The following SLC6A17 variants were observed in gnomAD, a reference collection of about 807,000 sequenced individuals.
SLC6A17 encodes sodium-dependent neutral amino acid transporter SLC6A17.
Under a neutral mutation model 64.5 loss-of-function variants are expected in SLC6A17, and 21 were observed. That is an observed-to-expected ratio of 0.33 (90% CI 0.23 to 0.47). SLC6A17 has a LOEUF of 0.47. Among genes scored for constraint, SLC6A17 ranks in the 20% least tolerant of loss-of-function variants. SLC6A17 has a pLI of 1.00. For missense variants in SLC6A17, 682 were observed against 963.2 expected (o/e 0.71, Z 3.86); for synonymous variants, 372 against 399.5 (o/e 0.93, Z 0.82).
intron 6 of SLC6A17, chr1:110,178,750 C>T (rs1312053667): frequency 6.6e-6 from 1 of 152,284 alleles, no homozygotes; most frequent in Non-Finnish European, 1.5e-5. Flanking sequence ...AGGGAGCTCA[C>T]TTGAGCCTCT....
At chr1:110,180,067 A>C (rs1471067547) in intron 6 of SLC6A17, among the ~76,000 whole-genome samples, 2 of 152,188 alleles carry the variant, frequency 1.3e-5, no homozygotes, top group African/African-American at 4.8e-5. Flanking sequence ...GAGTAACAAT[A>C]GTGAAACCCC....
chr1:110,178,298 C>A (rs1432217327), intron 6 of SLC6A17, among the ~76,000 whole-genome samples: 1 of 152,072 alleles, frequency 6.6e-6, no homozygotes, highest in East Asian at 1.9e-4. Flanking sequence ...TGTTAAGGGC[C>A]CCCTGTATGT....
chr1:110,179,367 T>C (rs114185035), intron 6 of SLC6A17, among the ~76,000 whole-genome samples: 211 of 152,298 alleles, frequency 1.4e-3, no homozygotes, highest in Non-Finnish European at 1.7e-3. Context: ...TCCCAAATGG[T>C]TGTATCTGCT....
At chr1:110,178,124 G>A (rs1200007259) in intron 6 of SLC6A17, 1 of 152,230 alleles carries the variant, frequency 6.6e-6, no homozygotes, top group East Asian at 1.9e-4. Flanking sequence ...AAAGCCAACT[G>A]TTTTTAACAG....
intron 6 of SLC6A17, 114 bp from the exon 7 acceptor site, chr1:110,191,858 A>T: frequency 6.6e-7 from 1 of 1,504,260 alleles, no homozygotes; most frequent in Non-Finnish European, 8.9e-7. Context: ...GCTTCTTACC[A>T]CTATGGGCTG....
intron 1 of SLC6A17, 66 bp from the exon 2 acceptor site, chr1:110,166,777 C>A: frequency 1.0e-6 from 1 of 973,656 alleles, no homozygotes; most frequent in Non-Finnish European, 1.5e-6. Flanking sequence ...TGGGTTGTGT[C>A]CACGTTGGGC....
intron 3 of SLC6A17, chr1:110,172,522 C>T (rs1460777189): frequency 3.1e-6 from 1 of 322,730 alleles, no homozygotes; most frequent in Non-Finnish European, 5.8e-6. Flanking sequence ...TCTCTGGGAA[C>T]ATATGGACTA....
At chr1:110,167,367 T>G (rs559593242) in intron 2 of SLC6A17, 152 bp downstream of exon 2, 1 of 989,940 alleles carries the variant, frequency 1.0e-6, no homozygotes, top group South Asian at 1.8e-5. Flanking sequence ...ATAGCTATAA[T>G]GATGGTTAGT....
At chr1:110,176,224 C>A (rs930064128) in intron 5 of SLC6A17, among the ~76,000 whole-genome samples, 3 of 152,088 alleles carry the variant, frequency 2.0e-5, no homozygotes, top group Admixed American at 6.5e-5. Flanking sequence ...GTGTCTATAA[C>A]CTCCTGAAGG....
At chr1:110,181,805 C>A (rs1487533433) in intron 6 of SLC6A17, among the ~76,000 whole-genome samples, 2 of 152,034 alleles carry the variant, frequency 1.3e-5, no homozygotes, top group Non-Finnish European at 2.9e-5. Context: ...GTGAAAAGGA[C>A]TTGAGACTGG....
At chr1:110,157,820 C>T (rs1426690975) in intron 1 of SLC6A17, among the ~76,000 whole-genome samples, 4 of 152,146 alleles carry the variant, frequency 2.6e-5, no homozygotes, top group Non-Finnish European at 4.4e-5. Context: ...ACTCACCAGG[C>T]ATGCAGGTCC....
intron 1 of SLC6A17, among the ~76,000 whole-genome samples, chr1:110,165,986 T>C (rs893528809): frequency 1.3e-5 from 2 of 152,196 alleles, no homozygotes; most frequent in Non-Finnish European, 2.9e-5. Context: ...AGGGAAAGCA[T>C]GAAAGACAAA....
At chr1:110,169,371 T>C (rs1175697616) in intron 2 of SLC6A17, among the ~76,000 whole-genome samples, 1 of 152,226 alleles carries the variant, frequency 6.6e-6, no homozygotes, top group Admixed American at 6.5e-5. Context: ...GCTTATGAAA[T>C]GGCCATTTTT....
intron 5 of SLC6A17, 95 bp from the exon 6 acceptor site, chr1:110,176,534 A>C (rs1487807559): frequency 8.6e-7 from 1 of 1,163,514 alleles, no homozygotes; most frequent in African/African-American, 1.5e-5. Flanking sequence ...TGCTGCCATC[A>C]GGGGCGGCTC....
At chr1:110,188,991 T>A (rs1656757620) in intron 6 of SLC6A17, among the ~76,000 whole-genome samples, 1 of 152,192 alleles carries the variant, frequency 6.6e-6, no homozygotes, top group South Asian at 2.1e-4. Context: ...GCTCTGGGTT[T>A]TCCTCTTGCC....
At chr1:110,185,267 G>A (rs76791087) in intron 6 of SLC6A17, among the ~76,000 whole-genome samples, 266 of 152,366 alleles carry the variant, frequency 1.7e-3, no homozygotes, top group Non-Finnish European at 3.2e-3. Flanking sequence ...CTCCTGGCAA[G>A]TGGAGAGCAT....
At chr1:110,185,206 G>A (rs557491661) in intron 6 of SLC6A17, among the ~76,000 whole-genome samples, 1 of 152,246 alleles carries the variant, frequency 6.6e-6, no homozygotes, top group East Asian at 1.9e-4. Flanking sequence ...GCAAGATGGG[G>A]TGGACAGTGG....
chr1:110,166,712 C>A (rs1656068055), intron 1 of SLC6A17, 131 bp from the exon 2 acceptor site: 3 of 489,864 alleles, frequency 6.1e-6, no homozygotes, highest in Non-Finnish European at 1.1e-5. Context: ...GGAGCTAGGG[C>A]AAGCTGCATA....
chr1:110,182,269 T>C (rs985701640), intron 6 of SLC6A17, among the ~76,000 whole-genome samples: 1 of 151,954 alleles, frequency 6.6e-6, no homozygotes, highest in Admixed American at 6.6e-5. Context: ...ACATGAGCAG[T>C]TGGAAGGATG....
Sources: gnomAD v4.1 joint callset for allele counts (sites outside exome capture counted in the v4.1 genomes callset) on GRCh38, gnomAD v4.1.1 for gene constraint, MANE v1.5 for transcripts, NCBI Gene and HGNC (gene_info 2026-07-23, HGNC 2026-07-21) for gene names.